SLA: variants seen among roughly 807,000 people sequenced by gnomAD.
SLA encodes src-like-adapter.
In SLA, 16 loss-of-function variants were observed where a neutral mutation model predicts 30.3. The ratio of observed to expected loss-of-function variants is 0.53; its 90% CI spans 0.36 to 0.80. SLA has a LOEUF of 0.80. Among genes scored for constraint, SLA ranks in the 30% least tolerant of loss-of-function variants. SLA has a pLI of 0.01. For synonymous variants in SLA, 143 were observed against 137.8 expected (o/e 1.04, Z -0.26); for missense variants, 310 against 345.2 (o/e 0.90, Z 0.81).
intron 6 of SLA, among the ~76,000 whole-genome samples, chr8:133,046,147 TGTTTCAGG>T (rs1839349615): frequency 6.6e-6 from 1 of 152,148 alleles, no homozygotes. Context: ...ATGTAGGCCA[TGTTTCAGG>T]GTCCTCTCTT....
At chr8:133,049,229 G>C in intron 5 of SLA, 1 of 439,048 alleles carries the variant, frequency 2.3e-6, no homozygotes, top group Non-Finnish European at 4.6e-6. Flanking sequence ...GTTGAGCCTA[G>C]TTTTCTAAGA....
chr8:133,069,750 C>A (rs1843670603), intron 2 of SLA, among the ~76,000 whole-genome samples: 1 of 152,024 alleles, frequency 6.6e-6, no homozygotes, highest in Non-Finnish European at 1.5e-5. Context: ...CCTATAATCC[C>A]AGCACTTTAG....
At chr8:133,092,980 C>T (rs569553458) in intron 1 of SLA, among the ~76,000 whole-genome samples, 14 of 152,230 alleles carry the variant, frequency 9.2e-5, no homozygotes, top group East Asian at 1.9e-4. Context: ...TTTTTATAGC[C>T]GAAGGAAATA....
intron 2 of SLA, among the ~76,000 whole-genome samples, chr8:133,071,702 A>G (rs568808205): frequency 6.6e-6 from 1 of 152,208 alleles, no homozygotes; most frequent in Admixed American, 6.5e-5. Flanking sequence ...TTCAGCTCCC[A>G]GGGTTAGTGG....
At chr8:133,051,043 C>T in intron 3 of SLA, 128 bp from the exon 4 acceptor site, 1 of 632,990 alleles carries the variant, frequency 1.6e-6, no homozygotes, top group East Asian at 2.7e-5. Flanking sequence ...TTGTTTTGAA[C>T]CACCAATTTA....
At chr8:133,095,291 C>G in intron 1 of SLA, 1 of 1,582,930 alleles carries the variant, frequency 6.3e-7, no homozygotes, top group Non-Finnish European at 8.7e-7. Context: ...GGAGGTGTCA[C>G]CCACCCCAGC....
chr8:133,046,993 T>C (rs1839542880), intron 6 of SLA: 1 of 152,188 alleles, frequency 6.6e-6, no homozygotes, highest in South Asian at 2.1e-4. Context: ...AGATACCTTC[T>C]GAATTTTAAA....
At position 133,040,142 on chromosome 8, in the gene SLA, A is replaced by G. The variant is rs1564103289; in HGVS notation, c.485-12T>C. 3 of 1,577,632 alleles carry G rather than the reference A, an allele frequency of 1.9e-6. No individual in the cohort carries two copies. Among genetic ancestry groups the G allele is most frequent in the East Asian group, 4.6e-5 (2 of 43,232 alleles). ...GCCATCAGCCACCTCTGAGGAGGGA[A>G]GCAGACAGCCGGTCAGGGACCCTGG... On this transcript the variant is annotated splice_polypyrimidine_tract_variant and intron_variant, in intron 7 of 8. Coordinates refer to ENST00000338087, the MANE Select transcript of SLA (RefSeq NM_001045556.3).
At chr8:133,044,438 G>A (rs1838913666) in intron 7 of SLA, among the ~76,000 whole-genome samples, 1 of 152,044 alleles carries the variant, frequency 6.6e-6, no homozygotes, top group African/African-American at 2.4e-5. Context: ...TAGTCTTTAG[G>A]AGCCTGTTGA....
intron 1 of SLA, among the ~76,000 whole-genome samples, chr8:133,075,704 G>C (rs533231475): frequency 6.6e-6 from 1 of 152,116 alleles, no homozygotes; most frequent in Admixed American, 6.5e-5. Context: ...TGGCACAAAA[G>C]TTATTGTGGT....
intron 2 of SLA, among the ~76,000 whole-genome samples, chr8:133,066,019 A>T (rs551895840): frequency 2.0e-5 from 3 of 152,272 alleles, no homozygotes; most frequent in Non-Finnish European, 2.9e-5. Flanking sequence ...TCAAAAGGGC[A>T]GGAGTGAATC....
chr8:133,039,606 CT>C (rs1837775645), intron 8 of SLA, among the ~76,000 whole-genome samples: 1 of 152,146 alleles, frequency 6.6e-6, no homozygotes, highest in Non-Finnish European at 1.5e-5. Context: ...TAGGATTCTG[CT>C]GATGTGTTTA....
At chr8:133,069,389 T>A (rs1843604055) in intron 2 of SLA, among the ~76,000 whole-genome samples, 1 of 152,232 alleles carries the variant, frequency 6.6e-6, no homozygotes, top group Non-Finnish European at 1.5e-5. Flanking sequence ...TCCAGGGACA[T>A]GGACCCCAGA....
chr8:133,085,886 A>G (rs1344753567), intron 1 of SLA, among the ~76,000 whole-genome samples: 2 of 152,224 alleles, frequency 1.3e-5, no homozygotes, highest in East Asian at 3.8e-4. Flanking sequence ...TTCAAGAGAC[A>G]TGAAAACATG....
At chr8:133,039,706 A>G (rs1837793713) in intron 8 of SLA, among the ~76,000 whole-genome samples, 1 of 152,236 alleles carries the variant, frequency 6.6e-6, no homozygotes, top group Non-Finnish European at 1.5e-5. Flanking sequence ...GAAAAGTGGT[A>G]TATTTCAGCT....
intron 1 of SLA, among the ~76,000 whole-genome samples, chr8:133,078,774 A>G (rs751763960): frequency 6.6e-6 from 1 of 152,194 alleles, no homozygotes; most frequent in Non-Finnish European, 1.5e-5. Flanking sequence ...TTTAGCCAAC[A>G]TCTATTGTAA....
At position 133,047,846 on chromosome 8, in the gene SLA, C is replaced by G; in HGVS notation, c.336G>C (p.Glu112Asp). The G allele has an allele frequency of 1.2e-6, 2 of 1,600,142 alleles. No homozygotes were observed. The change falls in exon 6 of 9, where the codon GAG (glutamate) becomes GAC (aspartate). Residue 112 changes from glutamate to aspartate, a missense_variant. Coordinates refer to ENST00000338087, the MANE Select transcript of SLA (RefSeq NM_001045556.3). Reference sequence around the variant, plus strand: ...GCCACTCACCTTTCTTGGTCTCACTCTCTCTGATCATGAAGGAGCCGACCT... The same window carrying G: ...GCCACTCACCTTTCTTGGTCTCACTGTCTCTGATCATGAAGGAGCCGACCT... ...DTKVGSFMIRESETKKGFYSL... is the reference protein window; with the variant it reads ...DTKVGSFMIRDSETKKGFYSL...
rs1161380780 is a variant in SLA, at chr8:133,050,890, C to A, written c.87G>T (p.Val29=). 6.2e-6 allele frequency: 10 copies of A among 1,613,512 alleles called. No individual in the cohort carries two copies. Among genetic ancestry groups the A allele is most frequent in the Non-Finnish European group, 8.5e-6 (10 of 1,179,512 alleles). ...TGTCAGGAGACGGGTAGTCACTTAG[C>A]ACGGCAAGGAAGTCGCTATCCAGTC... is the stretch of plus-strand genomic sequence containing the variant. ...PEGLDSDFLA[V]LSDYPSPDIS... The change falls in exon 4 of 9, where the codon GTG becomes GTT. Residue 29 remains valine, a synonymous_variant. Transcript: ENST00000338087.
At chr8:133,049,249 T>G in intron 5 of SLA, 5 of 427,320 alleles carry the variant, frequency 1.2e-5, no homozygotes, top group South Asian at 6.5e-5. Flanking sequence ...ATATCTCTTG[T>G]TTATCTTACC....
Sources: allele counts gnomAD v4.1 joint callset (sites outside exome capture counted in the v4.1 genomes callset), GRCh38; gene constraint gnomAD v4.1.1; transcripts MANE v1.5; gene names NCBI Gene and HGNC (gene_info 2026-07-23, HGNC 2026-07-21).